The following VPS13D variants were observed in gnomAD, a reference collection of about 807,000 sequenced individuals.
The protein encoded by VPS13D is vacuolar protein sorting 13 homolog D.
VPS13D carries 187 observed loss-of-function variants against 461.9 expected under a neutral mutation model. The ratio of observed to expected loss-of-function variants is 0.40; its 90% confidence interval spans 0.36 to 0.46. The LOEUF (loss-of-function observed/expected upper bound fraction) is 0.46. VPS13D is among the 20% of genes least tolerant of loss of function. The pLI, the probability that VPS13D is intolerant of heterozygous loss-of-function variation, is 0.60. For synonymous variants in VPS13D, 1,951 were observed against 1,986.3 expected (o/e 0.98, Z 0.47); for missense variants, 4,711 against 5,364.9 (o/e 0.88, Z 3.81).
chr1:12,383,114 T>G lies in VPS13D; in HGVS notation c.11329T>G (p.Ser3777Ala), dbSNP rs1170267676. 6.2e-7 allele frequency: 1 copy of G among 1,614,154 alleles called. No individual in the cohort carries two copies. Among genetic ancestry groups the G allele is most frequent in the Non-Finnish European group, 8.5e-7 (1 of 1,180,012 alleles). The part of the protein sequence containing the change: ...QKMRPGSGML[S>A]IRVIPDGPTR... Reference sequence around the variant, plus strand: ...AATGAGACCTGGTTCTGGAATGTTATCCATCAGAGTCATCCCAGATGGACC... The same window carrying G: ...AATGAGACCTGGTTCTGGAATGTTAGCCATCAGAGTCATCCCAGATGGACC... The change falls in exon 58 of 70, where the codon TCC (serine) becomes GCC (alanine). Residue 3777 changes from serine to alanine, a missense_variant. Physicochemically the swap from Ser to Ala is moderately conservative, Grantham distance 99 (BLOSUM62 1). Transcript: ENST00000620676.
At chr1:12,230,619 C>T (rs971620991) in intron 1 of VPS13D, among the ~76,000 whole-genome samples, 1 of 152,106 alleles carries the variant, frequency 6.6e-6, no homozygotes, top group African/African-American at 2.4e-5. Flanking sequence ...AATGCCTTAG[C>T]CACCTCCCTT....
At chr1:12,331,893 G>A (rs1643342973) in intron 37 of VPS13D, among the ~76,000 whole-genome samples, 1 of 152,100 alleles carries the variant, frequency 6.6e-6, no homozygotes, top group Non-Finnish European at 1.5e-5. Flanking sequence ...GGAGTCTAAT[G>A]TATCTACTGT....
At chr1:12,334,187 T>G (rs1229039093) in intron 38 of VPS13D, among the ~76,000 whole-genome samples, 5 of 152,218 alleles carry the variant, frequency 3.3e-5, no homozygotes, top group South Asian at 4.1e-4. Context: ...ACCATAAGTT[T>G]GTTGACCCCC....
At chr1:12,247,703 AT>A (rs778720883) in intron 5 of VPS13D, among the ~76,000 whole-genome samples, 1,434 of 131,298 alleles carry the variant, frequency 0.011, 3 homozygotes, top group African/African-American at 0.016. Context: ...CTTTGCCACA[AT>A]TTTTTTTTTT....
intron 60 of VPS13D, 59 bp downstream of exon 60, chr1:12,386,393 G>A (rs1436879679): frequency 1.3e-6 from 2 of 1,502,096 alleles, no homozygotes; most frequent in Admixed American, 2.3e-5. Context: ...CACCCAACCA[G>A]ATCTAATGTT....
intron 67 of VPS13D, among the ~76,000 whole-genome samples, chr1:12,476,350 G>T (rs898380589): frequency 2.0e-5 from 3 of 152,344 alleles, no homozygotes; most frequent in Admixed American, 1.3e-4. Context: ...CTCAGGGGTA[G>T]GTCCAGCTTT....
chr1:12,260,989 G>A lies in VPS13D; in HGVS notation c.1254G>A (p.Pro418=), dbSNP rs150950475. 1.9e-6 allele frequency: 3 copies of A among 1,613,726 alleles called. No homozygotes were observed. The South Asian group carries it at 3.3e-5, about 18-fold the overall frequency. ...AGTTTGATTCTCCAGGAGCCTGTCC[G>A]GGAGCCCCAGAACCCGGTGGAGGCA... is the stretch of plus-strand genomic sequence containing the variant. ...EPQFDSPGAC[P]GAPEPGGGSG... The change falls in exon 12 of 70, where the codon CCG becomes CCA. Residue 418 remains proline (P), a synonymous_variant. Transcript: ENST00000620676.
At chr1:12,485,570 A>G (rs1297833415) in intron 67 of VPS13D, among the ~76,000 whole-genome samples, 2 of 152,196 alleles carry the variant, frequency 1.3e-5, no homozygotes, top group African/African-American at 4.8e-5. Context: ...CTGCTTTACA[A>G]ATTTTCAGCT....
chr1:12,351,621 T>G (rs1643797145), intron 46 of VPS13D, among the ~76,000 whole-genome samples: 1 of 147,832 alleles, frequency 6.8e-6, no homozygotes, highest in Admixed American at 6.8e-5. Context: ...AGACAGAGTC[T>G]TGCTGTGTCA....
intron 61 of VPS13D, among the ~76,000 whole-genome samples, chr1:12,400,659 T>C (rs1448072310): frequency 6.6e-6 from 1 of 152,062 alleles, no homozygotes; most frequent in Non-Finnish European, 1.5e-5. Context: ...TTATTAAAAA[T>C]AGAATAACCC....
chr1:12,436,526 C>T (rs753701660), intron 65 of VPS13D, among the ~76,000 whole-genome samples: 3 of 152,266 alleles, frequency 2.0e-5, no homozygotes, highest in South Asian at 2.1e-4. Context: ...TCCCTTGTTT[C>T]GCCCCCACCC....
intron 30 of VPS13D, among the ~76,000 whole-genome samples, chr1:12,316,450 ATCC>A (rs1642889093): frequency 6.6e-6 from 1 of 152,188 alleles, no homozygotes; most frequent in Non-Finnish European, 1.5e-5. Context: ...CAGAAAAGGG[ATCC>A]AACACACTGT....
intron 38 of VPS13D, among the ~76,000 whole-genome samples, chr1:12,333,809 G>T (rs570722552): frequency 6.6e-6 from 1 of 152,290 alleles, no homozygotes; most frequent in Admixed American, 6.5e-5. Flanking sequence ...AAAATGACTT[G>T]CTTAAGGGTT....
chr1:12,400,649 T>C (rs1644562722), intron 61 of VPS13D, among the ~76,000 whole-genome samples: 2 of 152,146 alleles, frequency 1.3e-5, no homozygotes, highest in African/African-American at 4.8e-5. Flanking sequence ...TCCAGATCTA[T>C]TATTAAAAAT....
chr1:12,496,234 A>G (rs915881399), intron 67 of VPS13D, among the ~76,000 whole-genome samples: 2 of 152,218 alleles, frequency 1.3e-5, no homozygotes, highest in African/African-American at 4.8e-5. Context: ...CTTTTGTAAA[A>G]TTATTGCTGG....
intron 54 of VPS13D, among the ~76,000 whole-genome samples, chr1:12,372,732 G>A (rs1364501738): frequency 2.0e-5 from 3 of 151,336 alleles, no homozygotes; most frequent in Admixed American, 1.3e-4. Context: ...CTGCTTTGGG[G>A]GGAACAAAGA....
At chr1:12,266,406 C>A (rs1052633678) in intron 13 of VPS13D, among the ~76,000 whole-genome samples, 2 of 152,194 alleles carry the variant, frequency 1.3e-5, no homozygotes, top group African/African-American at 2.4e-5. Flanking sequence ...CCACAGTCAC[C>A]CCAACACTTC....
intron 65 of VPS13D, among the ~76,000 whole-genome samples, chr1:12,439,821 C>T (rs937890520): frequency 1.3e-5 from 2 of 152,202 alleles, no homozygotes; most frequent in Admixed American, 1.3e-4. Flanking sequence ...CACTGAGGCT[C>T]TGAGAAGTTT....
chr1:12,308,351 T>A, intron 26 of VPS13D, 80 bp from the exon 27 acceptor site: 2 of 1,443,522 alleles, frequency 1.4e-6, no homozygotes. Flanking sequence ...AGAATGAGCT[T>A]TGCATTTTTT....
Sources: gnomAD v4.1 joint callset for allele counts (sites outside exome capture counted in the v4.1 genomes callset) on GRCh38, gnomAD v4.1.1 for gene constraint, MANE v1.5 for transcripts, NCBI Gene and HGNC (gene_info 2026-07-23, HGNC 2026-07-21) for gene names.